SMAD6: variants seen among roughly 807,000 people sequenced by gnomAD.
The protein encoded by SMAD6 is MAD homolog 6.
In SMAD6, 103 loss-of-function variants were observed where a neutral mutation model predicts 39.4. The ratio of observed to expected loss-of-function variants is 2.62; its 90% CI spans 2.23 to 3.08. The LOEUF (loss-of-function observed/expected upper bound fraction) is 3.08. Ranked by LOEUF, SMAD6 falls within the 30% of genes most tolerant of loss-of-function variation. SMAD6 has a pLI of 0.00. For synonymous variants in SMAD6, 445 were observed against 353.3 expected (o/e 1.26, Z -2.91); for missense variants, 1,104 against 742.9 (o/e 1.49, Z -5.65).
chr15:66,725,953 C>T (rs1158687997), intron 3 of SMAD6, among the ~76,000 whole-genome samples: 1 of 152,216 alleles, frequency 6.6e-6, no homozygotes, highest in Non-Finnish European at 1.5e-5. Context: ...CTTCACTTAC[C>T]TTCCTCAGTC....
At chr15:66,707,473 C>T (rs537491120) in intron 1 of SMAD6, 3 of 152,338 alleles carry the variant, frequency 2.0e-5, no homozygotes, top group East Asian at 1.9e-4. Context: ...TGGCATTATC[C>T]CTTTGAAATG....
chr15:66,750,342 C>A (rs949203906), intron 3 of SMAD6, among the ~76,000 whole-genome samples: 3 of 152,200 alleles, frequency 2.0e-5, no homozygotes, highest in Non-Finnish European at 4.4e-5. Flanking sequence ...AGGACAAGGA[C>A]AAGTGTCCTT....
At chr15:66,724,040 G>A (rs1893480067) in intron 3 of SMAD6, among the ~76,000 whole-genome samples, 1 of 152,194 alleles carries the variant, frequency 6.6e-6, no homozygotes, top group South Asian at 2.1e-4. Context: ...AACAGCTTGT[G>A]CAAAAGCAAG....
chr15:66,729,163 C>G (rs1385559638), intron 3 of SMAD6, among the ~76,000 whole-genome samples: 3 of 152,170 alleles, frequency 2.0e-5, no homozygotes, highest in African/African-American at 7.2e-5. Flanking sequence ...GCGTCCAGGA[C>G]CTCTGCCCAC....
intron 3 of SMAD6, among the ~76,000 whole-genome samples, chr15:66,778,085 C>CTTT (rs11462070): frequency 2.2e-5 from 3 of 139,522 alleles, no homozygotes; most frequent in Non-Finnish European, 4.6e-5. Context: ...TTTTCTTTTC[C>CTTT]TTTTTTTTTT....
intron 3 of SMAD6, among the ~76,000 whole-genome samples, chr15:66,763,212 C>T (rs1894231154): frequency 6.6e-6 from 1 of 152,144 alleles, no homozygotes; most frequent in Non-Finnish European, 1.5e-5. Context: ...GGCCTGACTC[C>T]CTGCCCAAGG....
chr15:66,728,662 C>T (rs949992065), intron 3 of SMAD6, among the ~76,000 whole-genome samples: 9 of 152,158 alleles, frequency 5.9e-5, no homozygotes, highest in Non-Finnish European at 1.2e-4. Context: ...GCCTCGGCCT[C>T]GCAAAGCGCT....
chr15:66,706,437 G>A (rs1329626434), intron 1 of SMAD6: 1 of 152,350 alleles, frequency 6.6e-6, no homozygotes, highest in Non-Finnish European at 1.5e-5. Context: ...AGGACCGATG[G>A]TCCGGGAAGA....
intron 3 of SMAD6, among the ~76,000 whole-genome samples, chr15:66,748,499 A>G (rs1325715853): frequency 6.6e-6 from 1 of 152,248 alleles, no homozygotes; most frequent in Non-Finnish European, 1.5e-5. Flanking sequence ...GGGTTACAAC[A>G]ATAAATAAAA....
chr15:66,781,492 C>T lies in SMAD6; in HGVS notation c.1448C>T (p.Ser483Phe), dbSNP rs1181448110. Residue 483 changes from serine to phenylalanine, a missense_variant, in exon 4 of 4, where the codon TCC becomes TTC. Physicochemically the swap from Ser to Phe is radical, Grantham distance 155. Coordinates refer to ENST00000288840, the MANE Select transcript of SMAD6 (RefSeq NM_005585.5). Reference protein sequence around the residue: ...GPCYSRQFITSCPCWLEILLN... With the variant: ...GPCYSRQFITFCPCWLEILLN... ...TGCTACTCCCGGCAGTTCATCACCT[C>T]CTGCCCCTGCTGGCTGGAGATCCTC... The T allele has an allele frequency of 1.3e-6, 2 of 1,579,500 alleles. No individual in the cohort carries two copies. Among genetic ancestry groups the T allele is most frequent in the Admixed American group, 1.8e-5 (1 of 55,502 alleles).
intron 3 of SMAD6, chr15:66,717,455 G>C (rs1320853344): frequency 2.2e-6 from 1 of 455,878 alleles, no homozygotes; most frequent in South Asian, 1.5e-5. Context: ...TTTGTCTCCA[G>C]GGTTTGTGCT....
intron 3 of SMAD6, among the ~76,000 whole-genome samples, chr15:66,721,700 A>C (rs993250480): frequency 6.6e-6 from 1 of 152,236 alleles, no homozygotes; most frequent in African/African-American, 2.4e-5. Context: ...GGCCTGTCAC[A>C]CTGCATGTGG....
chr15:66,716,626 G>C, intron 3 of SMAD6, 128 bp downstream of exon 3: 2 of 747,062 alleles, frequency 2.7e-6, no homozygotes, highest in Non-Finnish European at 4.7e-6. Context: ...TCCAATCCTT[G>C]GATGGGAAGG....
chr15:66,704,053 C>G lies in SMAD6; in HGVS notation c.795C>G (p.His265Gln). The G allele has an allele frequency of 6.6e-7, 1 of 1,504,392 alleles. No individual in the cohort carries two copies. Among genetic ancestry groups the G allele is most frequent in the Non-Finnish European group, 8.8e-7 (1 of 1,135,352 alleles). The allele number at this position is 1,504,392 out of a possible 1,614,324, so 93.2% of individuals were successfully genotyped here. The change falls in exon 1 of 4, where the codon CAC becomes CAG. Residue 265 changes from histidine to glutamine, a missense_variant. Coordinates refer to ENST00000288840, the MANE Select transcript of SMAD6 (RefSeq NM_005585.5). ...DGPTVCCNPY[H>Q]FSRLCGPESP... is the part of the protein sequence containing the mutation. ...CTACCGTGTGCTGCAACCCCTACCACTTCAGCCGGCTCTGCGGGCCCGGTG... is the reference window on the plus strand; with the variant it reads ...CTACCGTGTGCTGCAACCCCTACCAGTTCAGCCGGCTCTGCGGGCCCGGTG...
Position 66,747,434 on chromosome 15 carries a change from G to A in SMAD6, c.952+30936G>A, listed in dbSNP as rs913196994. 6.6e-6 allele frequency among the ~76,000 whole-genome samples: 1 copy of A among 152,230 alleles called. No homozygotes were observed. The highest frequency in any genetic ancestry group is 2.1e-4 in the South Asian group (1 of 4,836). On this transcript the variant is annotated intron_variant, in intron 3 of 3. Coordinates refer to ENST00000288840, the MANE Select transcript of SMAD6 (RefSeq NM_005585.5). The surrounding 1 kb of genome is among the most constrained non-coding windows in gnomAD (Gnocchi z 4.5). The stretch of plus-strand genomic sequence containing the variant: ...GTGGGGAACTAAGCCTGCTCCTCCC[G>A]GCTGGTCTTTGTGGGCCCTGGCCCC...
chr15:66,705,938 GGA>G (rs1567092919), intron 1 of SMAD6: 1 of 153,180 alleles, frequency 6.5e-6, no homozygotes, highest in African/African-American at 2.4e-5. Context: ...CCGGGTCAGA[GGA>G]GAGGGAGCCA....
rs1290900567 is a variant in SMAD6, at chr15:66,702,980, T to G, written c.-279T>G. On this transcript the variant is annotated 5_prime_UTR_variant, in exon 1 of 4. Transcript: ENST00000288840. ...CCCCCCTAAAGCGCGGGGGCTGGAG[T>G]TGTTGAGCAGCCCCGCCGCTGTGGT... The G allele has an allele frequency of 1.3e-4, 37 of 283,530 alleles. No individual in the cohort carries two copies. The highest frequency in any genetic ancestry group is 1.5e-4 in the Non-Finnish European group (23 of 150,604). The allele number at this position is 283,530 out of a possible 1,614,324, so 17.6% of individuals were successfully genotyped here.
chr15:66,734,006 G>T (rs1168351257), intron 3 of SMAD6, among the ~76,000 whole-genome samples: 1 of 152,200 alleles, frequency 6.6e-6, no homozygotes, highest in Non-Finnish European at 1.5e-5. Flanking sequence ...CAGGTCTCCT[G>T]TGCCCGAGCT....
At position 66,713,110 on chromosome 15, in the gene SMAD6, G is replaced by A. The variant is rs149364058; in HGVS notation, c.874+1386G>A. ...GAAGTGATGGAATCTGTGGGATCCT[G>A]ATTGTGGCACAAGTTAGTTTGGCCC... is the stretch of plus-strand genomic sequence containing the variant. On this transcript the variant is annotated intron_variant, in intron 2 of 3. Coordinates refer to ENST00000288840, the MANE Select transcript of SMAD6 (RefSeq NM_005585.5). Among the ~76,000 whole-genome samples the A allele has an allele frequency of 3.9e-5, 6 of 152,322 alleles. No homozygotes were observed. In the East Asian group the frequency reaches 9.6e-4, roughly 24 times the overall value.
Sources: gnomAD v4.1 joint callset for allele counts (sites outside exome capture counted in the v4.1 genomes callset) on GRCh38, gnomAD v4.1.1 for gene constraint, Gnocchi (gnomAD v3.1) non-coding constraint, MANE v1.5 for transcripts, NCBI Gene and HGNC (gene_info 2026-07-23, HGNC 2026-07-21) for gene names.